RFX8: variants seen among roughly 807,000 people sequenced by gnomAD.
RFX8 encodes DNA-binding protein RFX8.
RFX8 carries 46 observed loss-of-function variants against 54.6 expected under a neutral mutation model. The observed-to-expected ratio is 0.84, with a 90% CI of 0.67 to 1.08. The LOEUF (loss-of-function observed/expected upper bound fraction) is 1.08, where lower values mean the gene tolerates loss of function less well. Ranked by LOEUF, RFX8 falls within the 50% of genes least tolerant of loss-of-function variation. RFX8 has a pLI of 0.00. For missense variants in RFX8, 536 were observed against 562.3 expected, an observed-to-expected ratio of 0.95 and a Z score of 0.47; for synonymous variants, 192 against 209.5, an observed-to-expected ratio of 0.92 and a Z score of 0.72.
rs142178646 is a variant in RFX8, at chr2:101,457,657, T to C, written c.72+9120A>G. Among the ~76,000 whole-genome samples the C allele has an allele frequency of 3.8e-3, 585 of 152,326 alleles. 10 individuals are homozygous for C. The highest frequency in any genetic ancestry group is 0.013 in the African/African-American group (522 of 41,582). On this transcript the variant is annotated intron_variant, in intron 2 of 11. Coordinates refer to ENST00000428343, the MANE Select transcript of RFX8 (RefSeq NM_001145664.2). ...GTGATCAATTTTAGAATAAGTGTGA[T>C]GTGGTGCTGAGAAGAATGTATATTC... is the stretch of plus-strand genomic sequence containing the variant.
At chr2:101,404,165 T>G (rs745685195) in intron 10 of RFX8, among the ~76,000 whole-genome samples, 2 of 152,244 alleles carry the variant, frequency 1.3e-5, no homozygotes, top group Admixed American at 6.5e-5. Context: ...CCATTTCAAG[T>G]AATCTTTTCA....
In RFX8 at chr2:101,414,915, GT is replaced by G; in HGVS notation, c.503-4del. 1 of 1,547,710 alleles carries G rather than the reference GT, an allele frequency of 6.5e-7. No individual in the cohort carries two copies. Reference sequence around the variant, plus strand: ...TCTTTTGACAAATAGAGTAACTTCTGTTAAGAACAACACACGTGGCCATTAA... The same window carrying G: ...TCTTTTGACAAATAGAGTAACTTCTGTAAGAACAACACACGTGGCCATTAA... On this transcript the variant is annotated splice_polypyrimidine_tract_variant and splice_region_variant and intron_variant, in intron 6 of 11. Transcript: ENST00000428343.
At chr2:101,432,850 G>A (rs538848955) in intron 2 of RFX8, among the ~76,000 whole-genome samples, 4 of 152,338 alleles carry the variant, frequency 2.6e-5, no homozygotes, top group East Asian at 3.9e-4. Flanking sequence ...AAATCACCGA[G>A]TTAGAGAAAA....
intron 4 of RFX8, among the ~76,000 whole-genome samples, chr2:101,420,501 C>T (rs113972699): frequency 2.0e-5 from 3 of 152,074 alleles, no homozygotes; most frequent in African/African-American, 7.2e-5. Context: ...CGAGATCGCA[C>T]CACTGAACTC....
In RFX8 at chr2:101,412,972, C is replaced by T. The variant is rs1686234002; in HGVS notation, c.661G>A (p.Ala221Thr). 1.9e-6 allele frequency: 3 copies of T among 1,551,898 alleles called. No homozygotes were observed. Residue 221 changes from alanine (A) to threonine (T), a missense_variant, in exon 8 of 12, where the codon GCC (alanine) becomes ACC (threonine). Ala to Thr is a moderately conservative substitution (Grantham distance 58, BLOSUM62 0). Transcript: ENST00000428343. ...GCGCCACTCCGGTCACTTGCCAGGG[C>T]TTTCTTAGAAGTAGCCAAAGTGCCT... is the stretch of plus-strand genomic sequence containing the variant. ...NQGTLATSKK[A>T]LASDRSGADE...
At chr2:101,402,837 GCTAACAC>G in intron 10 of RFX8, 85 bp from the exon 11 acceptor site, 1 of 1,227,900 alleles carries the variant, frequency 8.1e-7, no homozygotes, top group Non-Finnish European at 1.1e-6. Flanking sequence ...CTTTTCTGGG[GCTAACAC>G]CTGTGTACGT....
chr2:101,406,823 G>C (rs1301280114), intron 9 of RFX8, among the ~76,000 whole-genome samples: 1 of 152,204 alleles, frequency 6.6e-6, no homozygotes, highest in South Asian at 2.1e-4. Flanking sequence ...ATAATGAAAA[G>C]CAGTGGTGCC....
chr2:101,431,302 A>G (rs188668068), intron 2 of RFX8, among the ~76,000 whole-genome samples: 2 of 152,324 alleles, frequency 1.3e-5, no homozygotes, highest in Admixed American at 1.3e-4. Context: ...CACACAAATC[A>G]TCACTAATCA....
chr2:101,448,969 T>C (rs2148969025), intron 2 of RFX8, among the ~76,000 whole-genome samples: 1 of 152,288 alleles, frequency 6.6e-6, no homozygotes. Context: ...AACTTTCCTG[T>C]AGCTGGCATT....
At chr2:101,443,705 GCACTGGA>G (rs1381651561) in intron 2 of RFX8, among the ~76,000 whole-genome samples, 3 of 152,142 alleles carry the variant, frequency 2.0e-5, no homozygotes, top group Non-Finnish European at 2.9e-5. Flanking sequence ...CCTGGACTGA[GCACTGGA>G]GAAATGTGCA....
chr2:101,474,530 G>A (rs1432807887), intron 1 of RFX8, 106 bp downstream of exon 1: 2 of 317,580 alleles, frequency 6.3e-6, no homozygotes. Context: ...ACCCCGCCCT[G>A]CATCCTGCGG....
Position 101,402,726 on chromosome 2 carries a change from G to C in RFX8, c.955C>G (p.Leu319Val), listed in dbSNP as rs1685515114. The change falls in exon 11 of 12, where the codon CTT becomes GTT. Residue 319 changes from leucine to valine, a missense_variant. Transcript: ENST00000428343. ...AGTATATGAATCATATATTCCAAAA[G>C]CAACAAGTGAAACAGATGCCAGGAG... is the stretch of plus-strand genomic sequence containing the variant. The part of the protein sequence containing the change: ...FGSWHLFHLL[L>V]LEYMIHILQS... The C allele has an allele frequency of 1.9e-6, 3 of 1,548,584 alleles. No homozygotes were observed. In the South Asian group the frequency reaches 3.6e-5, roughly 18 times the overall value.
At chr2:101,446,804 G>A (rs1036695736) in intron 2 of RFX8, among the ~76,000 whole-genome samples, 7 of 151,132 alleles carry the variant, frequency 4.6e-5, no homozygotes, top group Non-Finnish European at 8.9e-5. Flanking sequence ...TAGGTGCCAG[G>A]GGGTGGGGGT....
intron 2 of RFX8, among the ~76,000 whole-genome samples, chr2:101,466,319 A>AAC (rs943801865): frequency 6.6e-6 from 1 of 151,936 alleles, no homozygotes; most frequent in Non-Finnish European, 1.5e-5. Flanking sequence ...GAAAAAAAAA[A>AAC]AAAAAAAGAT....
At position 101,397,529 on chromosome 2, in the gene RFX8, T is replaced by C. The variant is rs1316654721; in HGVS notation, c.*19A>G. ...TGCAAGTCTATCAGTTTTCTTATTC[T>C]CTATTCAAATAAATAATCTCACACA... On this transcript the variant is annotated 3_prime_UTR_variant, in exon 12 of 12. Transcript: ENST00000428343. 6 of 1,479,224 alleles carry C rather than the reference T, an allele frequency of 4.1e-6. No homozygotes were observed. The highest frequency in any genetic ancestry group is 4.5e-6 in the Non-Finnish European group (5 of 1,100,366). The allele number at this position is 1,479,224 out of a possible 1,614,324, so 91.6% of individuals were successfully genotyped here. A position where few individuals can be genotyped will look rare whatever the true frequency, so the allele number is the denominator to read the frequency against.
intron 5 of RFX8, among the ~76,000 whole-genome samples, chr2:101,418,419 G>C (rs1217069358): frequency 6.6e-6 from 1 of 152,104 alleles, no homozygotes; most frequent in Non-Finnish European, 1.5e-5. Flanking sequence ...TTAATCCAGA[G>C]AAGATATAAA....
intron 10 of RFX8, among the ~76,000 whole-genome samples, chr2:101,404,870 T>A (rs1438743595): frequency 6.6e-6 from 1 of 152,194 alleles, no homozygotes; most frequent in East Asian, 1.9e-4. Flanking sequence ...TGGCAGCTGA[T>A]AGCAGCAGCC....
chr2:101,466,568 G>C (rs1289468381), intron 2 of RFX8, among the ~76,000 whole-genome samples: 1 of 152,112 alleles, frequency 6.6e-6, no homozygotes, highest in Non-Finnish European at 1.5e-5. Context: ...ATCCTTCCTG[G>C]CCCCTCACTA....
intron 11 of RFX8, among the ~76,000 whole-genome samples, chr2:101,399,860 T>A (rs951805502): frequency 1.3e-5 from 2 of 152,230 alleles, no homozygotes; most frequent in East Asian, 1.9e-4. Context: ...TAGTAATTAG[T>A]CCCAAGAGAC....
Sources: gnomAD v4.1 joint callset for allele counts (sites outside exome capture counted in the v4.1 genomes callset) on GRCh38, gnomAD v4.1.1 for gene constraint, MANE v1.5 for transcripts, NCBI Gene and HGNC (gene_info 2026-07-23, HGNC 2026-07-21) for gene names.